The following F13A1 variants were observed in gnomAD, a reference collection of about 807,000 sequenced individuals.
F13A1 encodes FSF, A subunit.
In F13A1, 47 loss-of-function variants were observed where a neutral mutation model predicts 80.1. That is an observed-to-expected ratio of 0.59 (90% confidence interval 0.46 to 0.75). The LOEUF (loss-of-function observed/expected upper bound fraction) is 0.75, where lower values mean the gene tolerates loss of function less well. Among genes scored for constraint, F13A1 ranks in the 30% least tolerant of loss-of-function variants. The pLI, the probability that F13A1 is intolerant of heterozygous loss-of-function variation, is 0.00. For synonymous variants in F13A1, 349 were observed against 344.9 expected, an observed-to-expected ratio of 1.01 and a Z score of -0.13; for missense variants, 817 against 930.4, an observed-to-expected ratio of 0.88 and a Z score of 1.59.
intron 3 of F13A1, among the ~76,000 whole-genome samples, chr6:6,283,532 G>GA (rs1299503724): frequency 2.6e-5 from 4 of 152,000 alleles, no homozygotes; most frequent in African/African-American, 4.8e-5. Context: ...ACGGTTCTGG[G>GA]AAAAAACAGT....
chr6:6,210,337 A>ATATATATATATATATATATG (rs1761582999), intron 8 of F13A1, among the ~76,000 whole-genome samples: 1 of 128,282 alleles, frequency 7.8e-6, no homozygotes, highest in Non-Finnish European at 1.6e-5. Context: ...ATATATATAT[A>ATATATATATATATATATATG]TATATATATA....
At chr6:6,200,033 T>G (rs1386575229) in intron 8 of F13A1, among the ~76,000 whole-genome samples, 4 of 152,304 alleles carry the variant, frequency 2.6e-5, no homozygotes, top group Non-Finnish European at 5.9e-5. Flanking sequence ...AGAAAGTCTG[T>G]GTTGGGACTG....
intron 8 of F13A1, among the ~76,000 whole-genome samples, chr6:6,210,756 C>T (rs879771151): frequency 2.0e-5 from 3 of 151,608 alleles, no homozygotes; most frequent in Non-Finnish European, 4.4e-5. Flanking sequence ...GACCAAGTCT[C>T]ACTCTGTCAC....
chr6:6,190,346 C>T lies in F13A1; in HGVS notation c.1305+5451G>A, dbSNP rs941159623. Among the ~76,000 whole-genome samples, 167 of 152,230 alleles carry T rather than the reference C, an allele frequency of 1.1e-3. 2 individuals are homozygous for T. Among genetic ancestry groups the T allele is most frequent in the Non-Finnish European group, 1.5e-3 (103 of 68,004 alleles). On this transcript the variant is annotated intron_variant, in intron 10 of 14. Transcript: ENST00000264870. ...TTTTCTGCTCTGTTTTTTCCCCATC[C>T]TTGTGGTTTTATCTACTTTTGGTCT...
At chr6:6,167,308 AGG>A in intron 13 of F13A1, 148 bp downstream of exon 13, 1 of 904,338 alleles carries the variant, frequency 1.1e-6, no homozygotes. Context: ...AAAGAACAAG[AGG>A]ATCCTAGCAC....
chr6:6,282,904 C>A (rs959950953), intron 3 of F13A1, among the ~76,000 whole-genome samples: 11 of 152,178 alleles, frequency 7.2e-5, no homozygotes, highest in Non-Finnish European at 1.5e-4. Context: ...CTGACTCCCC[C>A]ACTACCTAAT....
chr6:6,263,243 C>A (rs1342444361), intron 4 of F13A1, among the ~76,000 whole-genome samples: 2 of 152,210 alleles, frequency 1.3e-5, no homozygotes, highest in Non-Finnish European at 2.9e-5. Context: ...CTCCTGTTTA[C>A]AACACAGCCC....
At chr6:6,182,462 C>T (rs1466191123) in intron 10 of F13A1, among the ~76,000 whole-genome samples, 2 of 152,188 alleles carry the variant, frequency 1.3e-5, no homozygotes, top group African/African-American at 2.4e-5. Context: ...TGCCACCATG[C>T]CCATCGCTTG....
chr6:6,289,262 GCCGCCTCTTT>G (rs1395647588), intron 3 of F13A1, among the ~76,000 whole-genome samples: 1 of 152,004 alleles, frequency 6.6e-6, no homozygotes, highest in Non-Finnish European at 1.5e-5. Context: ...TTGAGTCCAA[GCCGCCTCTTT>G]CCCCACCAAA....
chr6:6,267,575 G>T lies in F13A1; in HGVS notation c.320-766C>A, dbSNP rs560205582. 2.6e-5 allele frequency among the ~76,000 whole-genome samples: 4 copies of T among 152,250 alleles called. No homozygotes were observed. In the South Asian group the frequency reaches 8.3e-4, roughly 32 times the overall value. On this transcript the variant is annotated intron_variant, in intron 3 of 14. Transcript: ENST00000264870. ...CACTGTTGACGTGTAGACATCAAAGGCAATCTTGCCAGGTAAATGGGACCC... is the reference window on the plus strand; with the variant it reads ...CACTGTTGACGTGTAGACATCAAAGTCAATCTTGCCAGGTAAATGGGACCC...
chr6:6,300,087 G>C (rs201390243), intron 3 of F13A1, among the ~76,000 whole-genome samples: 1 of 145,938 alleles, frequency 6.9e-6, no homozygotes, highest in African/African-American at 2.8e-5. Flanking sequence ...GGACCCACTT[G>C]AGGAGGCAGT....
At chr6:6,175,124 G>A (rs184679272) in intron 11 of F13A1, among the ~76,000 whole-genome samples, 31 of 152,244 alleles carry the variant, frequency 2.0e-4, no homozygotes, top group East Asian at 1.9e-3. Context: ...GGGTTTCTCC[G>A]GGGCCACTAT....
chr6:6,314,998 A>G (rs1025028716), intron 2 of F13A1, among the ~76,000 whole-genome samples: 6 of 152,246 alleles, frequency 3.9e-5, no homozygotes, highest in Admixed American at 2.0e-4. Context: ...AGAAAGGTAT[A>G]AGACCCCATT....
intron 8 of F13A1, among the ~76,000 whole-genome samples, chr6:6,211,795 C>G (rs933231773): frequency 2.6e-5 from 4 of 152,318 alleles, no homozygotes; most frequent in East Asian, 1.9e-4. Context: ...GAGTGCCAGA[C>G]AGTGGGCGCA....
intron 14 of F13A1, among the ~76,000 whole-genome samples, chr6:6,148,023 G>T (rs951663339): frequency 1.3e-5 from 2 of 152,166 alleles, no homozygotes; most frequent in African/African-American, 4.8e-5. Flanking sequence ...CCCATGGTTT[G>T]TCCTCTGTGC....
At chr6:6,204,647 A>G (rs1047988538) in intron 8 of F13A1, among the ~76,000 whole-genome samples, 6 of 152,164 alleles carry the variant, frequency 3.9e-5, no homozygotes, top group African/African-American at 1.4e-4. Flanking sequence ...AATTTGGTGG[A>G]CTCTGAGGCT....
In F13A1 at chr6:6,245,899, A is replaced by T. The variant is rs115435406; in HGVS notation, c.798+2413T>A. The stretch of plus-strand genomic sequence containing the variant: ...CTGCTCTGGCATTTGCAACCTGCGA[A>T]TGGGATTTCTAGCCTCTATGACCAG... On this transcript the variant is annotated intron_variant, in intron 6 of 14. Transcript: ENST00000264870. Among the ~76,000 whole-genome samples, 482 of 152,322 alleles carry T rather than the reference A, an allele frequency of 3.2e-3. 3 individuals carry two copies. The highest frequency in any genetic ancestry group is 0.011 in the African/African-American group (454 of 41,576).
chr6:6,313,856 A>T (rs1295250609), intron 2 of F13A1, among the ~76,000 whole-genome samples: 1 of 152,176 alleles, frequency 6.6e-6, no homozygotes, highest in Non-Finnish European at 1.5e-5. Context: ...AGGTGCTCAG[A>T]GGAAGCTGGA....
intron 7 of F13A1, among the ~76,000 whole-genome samples, chr6:6,222,405 A>C (rs2113059446): frequency 6.6e-6 from 1 of 152,324 alleles, no homozygotes; most frequent in African/African-American, 2.4e-5. Flanking sequence ...AGGTGAAGCC[A>C]ACTAGAGTAG....
Sources: gnomAD v4.1 joint callset for allele counts (sites outside exome capture counted in the v4.1 genomes callset) on GRCh38, gnomAD v4.1.1 for gene constraint, MANE v1.5 for transcripts, NCBI Gene and HGNC (gene_info 2026-07-23, HGNC 2026-07-21) for gene names.